NR1D2: variants seen among roughly 807,000 people sequenced by gnomAD.
The protein encoded by NR1D2 is nuclear receptor subfamily 1 group D member 2.
A neutral mutation model predicts 52.2 loss-of-function variants in NR1D2; 25 were observed. That is an observed-to-expected ratio of 0.48 (90% CI 0.35 to 0.67). The LOEUF is 0.67. Ranked by LOEUF, NR1D2 falls within the 30% of genes least tolerant of loss-of-function variation. The probability of loss-of-function intolerance (pLI) is 0.01; values close to 1 mark genes in which losing one functional copy is unlikely to be tolerated. For missense variants in NR1D2, 681 were observed against 707.2 expected, an observed-to-expected ratio of 0.96 and a Z score of 0.42; for synonymous variants, 259 against 230.1, an observed-to-expected ratio of 1.13 and a Z score of -1.14.
rs763864167 is a variant in NR1D2, at chr3:23,979,176, A to T, written c.*1757A>T. On this transcript the variant is annotated 3_prime_UTR_variant, in exon 8 of 8. Coordinates refer to ENST00000312521, the MANE Select transcript of NR1D2 (RefSeq NM_005126.5). ...GGCACTAGTTAAGTAAGTTAAAAAA[A>T]AGTTAAACCCTCTCATTATTAAAGA... 1.3e-5 allele frequency: 2 copies of T among 152,146 alleles called. No homozygotes were observed. Among genetic ancestry groups the T allele is most frequent in the Non-Finnish European group, 2.9e-5 (2 of 67,968 alleles). The allele number at this position is 152,146 out of a possible 1,614,324, so 9.4% of individuals were successfully genotyped here. A position where few individuals can be genotyped will look rare whatever the true frequency, so the allele number is the denominator to read the frequency against.
At chr3:23,963,468 T>C (rs1706342326) in intron 5 of NR1D2, 5 of 1,118,568 alleles carry the variant, frequency 4.5e-6, no homozygotes, top group Non-Finnish European at 5.6e-6. Flanking sequence ...GTTTTTTTTT[T>C]TGAGACATTC....
chr3:23,950,280 A>G (rs1705890809), intron 1 of NR1D2, among the ~76,000 whole-genome samples: 1 of 152,222 alleles, frequency 6.6e-6, no homozygotes, highest in African/African-American at 2.4e-5. Flanking sequence ...TTCTCACCAA[A>G]TAAGTTTGTA....
intron 3 of NR1D2, among the ~76,000 whole-genome samples, chr3:23,958,739 G>A (rs1177193891): frequency 6.6e-6 from 1 of 151,732 alleles, no homozygotes; most frequent in Admixed American, 6.6e-5. Context: ...GTTGAGGTCA[G>A]GAGTTCAAAA....
chr3:23,950,910 T>C (rs1405273985), intron 1 of NR1D2, among the ~76,000 whole-genome samples: 4 of 147,436 alleles, frequency 2.7e-5, no homozygotes, highest in South Asian at 2.1e-4. Flanking sequence ...TTCTTTTTTT[T>C]TTTTTTTTTT....
rs147607876 is a variant in NR1D2, at chr3:23,958,791, T to C, written c.373-880T>C. Among the ~76,000 whole-genome samples the C allele has an allele frequency of 3.8e-3, 563 of 148,202 alleles. 3 individuals are homozygous for C. Among genetic ancestry groups the C allele is most frequent in the African/African-American group, 0.013 (530 of 39,802 alleles). On this transcript the variant is annotated intron_variant, in intron 3 of 7. Transcript: ENST00000312521. ...GGTGAAACCCTGTCTCTACTAAAAA[T>C]ACAAAAAATTAGCCAGGTATGGTGG...
At chr3:23,959,978 C>T (rs565135402) in intron 4 of NR1D2, 163 bp downstream of exon 4, 13 of 513,402 alleles carry the variant, frequency 2.5e-5, no homozygotes, top group South Asian at 1.3e-4. Context: ...TGATTAAAGT[C>T]GTATTTTAGC....
At chr3:23,964,894 G>T (rs62253385) in intron 5 of NR1D2, 83 bp from the exon 6 acceptor site, 9,387 of 918,074 alleles carry the variant, frequency 0.01, 70 homozygotes, top group Middle Eastern at 0.015. Context: ...TCATGTTGGG[G>T]TTTCTGATAA....
At chr3:23,969,843 G>T (rs1198751869) in intron 7 of NR1D2, among the ~76,000 whole-genome samples, 1 of 152,140 alleles carries the variant, frequency 6.6e-6, no homozygotes, top group Non-Finnish European at 1.5e-5. Context: ...GATAGAAGTG[G>T]AGCTGGAATT....
chr3:23,973,634 C>T (rs1179922806), intron 7 of NR1D2, among the ~76,000 whole-genome samples: 1 of 152,172 alleles, frequency 6.6e-6, no homozygotes, highest in African/African-American at 2.4e-5. Flanking sequence ...AATCACTGAA[C>T]ACGTACGGTA....
chr3:23,970,586 T>C (rs575433965), intron 7 of NR1D2, among the ~76,000 whole-genome samples: 4 of 152,198 alleles, frequency 2.6e-5, no homozygotes, highest in Non-Finnish European at 5.9e-5. Flanking sequence ...TTTACCTGTT[T>C]GTTTATATAG....
chr3:23,971,155 G>C (rs921668116), intron 7 of NR1D2, among the ~76,000 whole-genome samples: 23 of 152,172 alleles, frequency 1.5e-4, no homozygotes, highest in African/African-American at 5.5e-4. Context: ...CGCTACAGAA[G>C]AGTTTAAAAT....
Position 23,945,523 on chromosome 3 carries a change from C to G in NR1D2, c.-56C>G. On this transcript the variant is annotated 5_prime_UTR_variant, in exon 1 of 8. Coordinates refer to ENST00000312521, the MANE Select transcript of NR1D2 (RefSeq NM_005126.5). Reference sequence around the variant, plus strand: ...CGGCGCGGCGCTGAGGCGGCGGCGGCGGCGCTGCCCCCTCTGCGGGAAGCG... The same window carrying G: ...CGGCGCGGCGCTGAGGCGGCGGCGGGGGCGCTGCCCCCTCTGCGGGAAGCG... The G allele has an allele frequency of 9.1e-7, 1 of 1,098,446 alleles. No individual in the cohort carries two copies. The highest frequency in any genetic ancestry group is 1.1e-6 in the Non-Finnish European group (1 of 891,516). 68.0% of individuals were successfully genotyped at this position (1,098,446 alleles called of 1,614,324 possible). A position where few individuals can be genotyped will look rare whatever the true frequency, so the allele number is the denominator to read the frequency against.
chr3:23,946,004 G>T, intron 1 of NR1D2: 2 of 676,732 alleles, frequency 3.0e-6, no homozygotes, highest in Non-Finnish European at 3.7e-6. Context: ...ACATTCCCCG[G>T]GGCCGCAGGG....
At chr3:23,960,577 C>T (rs141282734) in intron 4 of NR1D2, among the ~76,000 whole-genome samples, 1 of 152,250 alleles carries the variant, frequency 6.6e-6, no homozygotes, top group Admixed American at 6.5e-5. Flanking sequence ...AGTGATCCAC[C>T]TGCCTCGGCC....
intron 7 of NR1D2, among the ~76,000 whole-genome samples, chr3:23,976,341 TTAAGA>T (rs1216991619): frequency 1.1e-4 from 16 of 152,098 alleles, no homozygotes; most frequent in African/African-American, 3.9e-4. Context: ...TTTTTGAGGG[TTAAGA>T]TATGATATGA....
chr3:23,946,226 A>G (rs905554000), intron 1 of NR1D2: 1 of 985,426 alleles, frequency 1.0e-6, no homozygotes, highest in Non-Finnish European at 1.2e-6. Flanking sequence ...ACCGCAGTGC[A>G]CCGGACGCCG....
In NR1D2 at chr3:23,959,663, GTTCTTAGGGT is replaced by G; in HGVS notation, c.373-2_380del. 1 of 1,607,882 alleles carries G rather than the reference GTTCTTAGGGT, an allele frequency of 6.2e-7. No homozygotes were observed. Among genetic ancestry groups the G allele is most frequent in the Non-Finnish European group, 8.5e-7 (1 of 1,177,936 alleles). ...TAAATGGGTAAGTAAATCTTCCTTT[GTTCTTAGGGT>G]TTCTTTCGGAGAAGTATTCAACAAA... On this transcript the variant is annotated splice_acceptor_variant and splice_polypyrimidine_tract_variant and coding_sequence_variant and intron_variant, in exon 4 of 8. Transcript: ENST00000312521. LOFTEE classifies it high-confidence loss of function.
At chr3:23,947,433 A>T (rs532065900) in intron 1 of NR1D2, among the ~76,000 whole-genome samples, 5 of 152,046 alleles carry the variant, frequency 3.3e-5, no homozygotes, top group Non-Finnish European at 7.4e-5. Flanking sequence ...TTTTCTGATC[A>T]CTCATCATCC....
chr3:23,956,979 G>A (rs1478509550), intron 3 of NR1D2, among the ~76,000 whole-genome samples: 1 of 151,692 alleles, frequency 6.6e-6, no homozygotes, highest in East Asian at 1.9e-4. Flanking sequence ...TGAATTGCGA[G>A]TTTGCCAGTT....
Sources: allele counts gnomAD v4.1 joint callset (sites outside exome capture counted in the v4.1 genomes callset), GRCh38; gene constraint gnomAD v4.1.1; transcripts MANE v1.5; gene names NCBI Gene and HGNC (gene_info 2026-07-23, HGNC 2026-07-21).